STXBP5L: variants seen among roughly 807,000 people sequenced by gnomAD.
STXBP5L encodes syntaxin-binding protein 5-like.
A neutral mutation model predicts 144.5 loss-of-function variants in STXBP5L; 65 were observed. That is an observed-to-expected ratio of 0.45 (90% CI 0.37 to 0.55). The LOEUF (loss-of-function observed/expected upper bound fraction) is 0.55, where lower values mean the gene tolerates loss of function less well. STXBP5L is among the 20% of genes least tolerant of loss of function. The probability of loss-of-function intolerance (pLI) is 0.00; values close to 1 mark genes in which losing one functional copy is unlikely to be tolerated. For synonymous variants in STXBP5L, 505 were observed against 469.6 expected, an observed-to-expected ratio of 1.08 and a Z score of -0.97; for missense variants, 1,298 against 1,405.5, an observed-to-expected ratio of 0.92 and a Z score of 1.22.
Position 120,951,784 on chromosome 3 carries a change from A to T in STXBP5L, c.190-3156A>T, listed in dbSNP as rs1325776865. Among the ~76,000 whole-genome samples, 14 of 152,248 alleles carry T rather than the reference A, an allele frequency of 9.2e-5. No individual in the cohort carries two copies. The East Asian group carries it at 2.7e-3, about 29-fold the overall frequency. ...GATCTAGAACTAAAAATACCATTTG[A>T]CCCAGCCATCCCATTACGGGGTATA... On this transcript the variant is annotated intron_variant, in intron 2 of 26. Transcript: ENST00000471454.
At chr3:121,128,741 G>T (rs921045767) in intron 7 of STXBP5L, among the ~76,000 whole-genome samples, 2 of 152,034 alleles carry the variant, frequency 1.3e-5, no homozygotes, top group African/African-American at 2.4e-5. Flanking sequence ...AGCTGACTGG[G>T]ATGTTGTTTG....
At chr3:121,377,013 G>T (rs1032091917) in intron 20 of STXBP5L, among the ~76,000 whole-genome samples, 4 of 152,152 alleles carry the variant, frequency 2.6e-5, no homozygotes, top group African/African-American at 9.7e-5. Flanking sequence ...GTTCACTCAT[G>T]ATTTGGCTGT....
chr3:121,115,784 T>C (rs2044206550), intron 6 of STXBP5L, among the ~76,000 whole-genome samples: 1 of 152,066 alleles, frequency 6.6e-6, no homozygotes, highest in East Asian at 1.9e-4. Context: ...CTTACAATCA[T>C]GGTAGAAGTT....
chr3:121,190,196 G>T (rs901846579), intron 9 of STXBP5L, among the ~76,000 whole-genome samples: 2 of 152,304 alleles, frequency 1.3e-5, no homozygotes, highest in South Asian at 4.1e-4. Flanking sequence ...TAGGCAGAGG[G>T]CCCTGCGGCC....
intron 19 of STXBP5L, among the ~76,000 whole-genome samples, chr3:121,292,814 A>G (rs931434037): frequency 6.6e-6 from 1 of 152,332 alleles, no homozygotes; most frequent in Non-Finnish European, 1.5e-5. Context: ...GTTCTCACTT[A>G]TAAGTGGGAG....
chr3:121,193,536 G>A (rs2047793362), intron 9 of STXBP5L, among the ~76,000 whole-genome samples: 1 of 152,060 alleles, frequency 6.6e-6, no homozygotes, highest in African/African-American at 2.4e-5. Flanking sequence ...TGTTTATTGT[G>A]GCACTACTCA....
At chr3:121,167,738 G>C (rs565902827) in intron 9 of STXBP5L, among the ~76,000 whole-genome samples, 1 of 152,316 alleles carries the variant, frequency 6.6e-6, no homozygotes, top group Admixed American at 6.5e-5. Context: ...GGGGGAAGGG[G>C]TGGCTGTGGG....
chr3:121,049,405 G>A (rs1947773818), intron 5 of STXBP5L, among the ~76,000 whole-genome samples: 1 of 152,102 alleles, frequency 6.6e-6, no homozygotes, highest in Non-Finnish European at 1.5e-5. Flanking sequence ...GAAGTAGCAG[G>A]GGTGGGGGCT....
chr3:121,133,873 A>G (rs1352229126), intron 7 of STXBP5L, among the ~76,000 whole-genome samples: 1 of 152,160 alleles, frequency 6.6e-6, no homozygotes, highest in Non-Finnish European at 1.5e-5. Context: ...GAAATGCCCC[A>G]CTTTAAAACC....
intron 5 of STXBP5L, among the ~76,000 whole-genome samples, chr3:121,089,175 A>ACATTTATT (rs1326451250): frequency 6.7e-6 from 1 of 148,844 alleles, no homozygotes; most frequent in Non-Finnish European, 1.5e-5. Flanking sequence ...TATACATAGT[A>ACATTTATT]CATTTATTAT....
chr3:121,237,644 C>T (rs1046355854), intron 12 of STXBP5L, among the ~76,000 whole-genome samples: 1 of 152,158 alleles, frequency 6.6e-6, no homozygotes, highest in African/African-American at 2.4e-5. Flanking sequence ...TGTTAATGCT[C>T]GTGTCCCTTT....
chr3:121,112,022 C>G (rs1375124786), intron 5 of STXBP5L, among the ~76,000 whole-genome samples: 1 of 152,134 alleles, frequency 6.6e-6, no homozygotes, highest in Admixed American at 6.5e-5. Flanking sequence ...CCACCACAGC[C>G]GCTGTGCTAC....
chr3:120,963,696 G>A (rs900832796), intron 3 of STXBP5L, among the ~76,000 whole-genome samples: 1 of 152,140 alleles, frequency 6.6e-6, no homozygotes, highest in Non-Finnish European at 1.5e-5. Flanking sequence ...GAGGATTTTT[G>A]CAGCAATATT....
intron 18 of STXBP5L, among the ~76,000 whole-genome samples, chr3:121,263,849 A>G (rs1179938917): frequency 6.6e-6 from 1 of 152,184 alleles, no homozygotes. Flanking sequence ...GGTGTACCTG[A>G]AAGTAACAGG....
intron 5 of STXBP5L, among the ~76,000 whole-genome samples, chr3:121,087,597 A>G (rs761629177): frequency 4.9e-4 from 74 of 152,062 alleles, no homozygotes; most frequent in Non-Finnish European, 5.0e-4. Context: ...AGACAAGCGT[A>G]TAGTTGGGTC....
intron 2 of STXBP5L, chr3:120,925,237 GGAGCAGCCTC>G (rs1709558799): frequency 6.6e-6 from 1 of 152,170 alleles, no homozygotes; most frequent in South Asian, 2.1e-4. Flanking sequence ...GAAGGGATGA[GGAGCAGCCTC>G]GAGTGGGTTG....
chr3:121,083,540 G>T (rs1378108255), intron 5 of STXBP5L, among the ~76,000 whole-genome samples: 1 of 151,968 alleles, frequency 6.6e-6, no homozygotes, highest in Non-Finnish European at 1.5e-5. Context: ...GCAGGCGTCT[G>T]TTATCCCAGT....
intron 5 of STXBP5L, among the ~76,000 whole-genome samples, chr3:121,071,653 G>T (rs776687761): frequency 6.6e-6 from 1 of 152,202 alleles, no homozygotes; most frequent in Admixed American, 6.5e-5. Context: ...GCCCTAAAGT[G>T]GTTGGGTTCT....
intron 9 of STXBP5L, among the ~76,000 whole-genome samples, chr3:121,163,132 T>C (rs917351139): frequency 6.6e-6 from 1 of 152,242 alleles, no homozygotes; most frequent in East Asian, 1.9e-4. Context: ...GTATGTTTAT[T>C]GTAGCACTAT....
Sources: allele counts gnomAD v4.1 joint callset (sites outside exome capture counted in the v4.1 genomes callset), GRCh38; gene constraint gnomAD v4.1.1; transcripts MANE v1.5; gene names NCBI Gene and HGNC (gene_info 2026-07-23, HGNC 2026-07-21).